Variants in RSPH3 observed in about 807,000 individuals in gnomAD.
The protein encoded by RSPH3 is radial spoke head protein 3 homolog.
In RSPH3, 21 loss-of-function variants were observed where a neutral mutation model predicts 43.8. The ratio of observed to expected loss-of-function variants is 0.48; its 90% CI spans 0.34 to 0.69. The LOEUF (loss-of-function observed/expected upper bound fraction) is 0.69. Ranked by LOEUF, RSPH3 falls within the 30% of genes least tolerant of loss-of-function variation. The probability of loss-of-function intolerance (pLI) is 0.01; values close to 1 mark genes in which losing one functional copy is unlikely to be tolerated. For missense variants in RSPH3, 487 were observed against 516.0 expected (o/e 0.94, Z 0.54); for synonymous variants, 173 against 179.8 (o/e 0.96, Z 0.30).
chr6:158,993,984 A>G, intron 1 of RSPH3, 58 bp from the exon 2 acceptor site: 1 of 882,286 alleles, frequency 1.1e-6, no homozygotes, highest in Non-Finnish European at 1.8e-6. Flanking sequence ...TCTATGAAGT[A>G]ACTCATTTTC....
rs1176466431 is a variant in RSPH3 at position 158,999,576 on chromosome 6, C to A, written c.-26G>T. The A allele has an allele frequency of 6.2e-6, 10 of 1,607,638 alleles. No individual in the cohort carries two copies. The highest frequency in any genetic ancestry group is 8.5e-6 in the Non-Finnish European group (10 of 1,175,476). On this transcript the variant is annotated 5_prime_UTR_variant, in exon 1 of 8. Transcript: ENST00000367069. ...GTCCGGGGGCTGACTGCCTCGCTTT[C>A]GGTGGAGCTTGGCTTTGAAGCAGGT... is the stretch of plus-strand genomic sequence containing the variant.
intron 2 of RSPH3, among the ~76,000 whole-genome samples, chr6:158,990,032 T>C (rs1049149758): frequency 2.0e-5 from 3 of 152,174 alleles, no homozygotes; most frequent in African/African-American, 7.2e-5. Context: ...GCCTACATCT[T>C]TCTCCTGTGC....
At chr6:158,984,376 G>A (rs1213364664) in intron 3 of RSPH3, among the ~76,000 whole-genome samples, 4 of 140,060 alleles carry the variant, frequency 2.9e-5, no homozygotes, top group Non-Finnish European at 4.5e-5. Flanking sequence ...AACTAAAGAA[G>A]AACATGAGAC....
At chr6:158,984,005 G>A (rs113714631) in intron 3 of RSPH3, among the ~76,000 whole-genome samples, 198 bp from the exon 4 acceptor site, 1 of 151,984 alleles carries the variant, frequency 6.6e-6, no homozygotes, top group African/African-American at 2.4e-5. Context: ...GTGGTGGTGC[G>A]TGCCTGTGGT....
In RSPH3 at chr6:158,999,685, A is replaced by C. The variant is rs137930351; in HGVS notation, c.-135T>G. The C allele has an allele frequency of 1.2e-6, 2 of 1,613,954 alleles. No homozygotes were observed. Among genetic ancestry groups the C allele is most frequent in the Non-Finnish European group, 1.7e-6 (2 of 1,179,948 alleles). On this transcript the variant is annotated 5_prime_UTR_variant, in exon 1 of 8. Transcript: ENST00000367069. ...CGCGACGCGAGGAGAGGCGACAACA[A>C]GGGAGGCGGGCGGGACGGGAGGTTA... is the stretch of plus-strand genomic sequence containing the variant.
chr6:158,983,565 A>T, intron 4 of RSPH3, 97 bp downstream of exon 4: 1 of 879,790 alleles, frequency 1.1e-6, no homozygotes, highest in South Asian at 1.4e-5. Context: ...GTAGAATCTG[A>T]TTGTGAAGTG....
At chr6:158,963,143 CAG>C in the RSPH3 span, among the ~76,000 whole-genome samples, 2 of 151,862 alleles carry the variant, frequency 1.3e-5, no homozygotes, top group South Asian at 2.1e-4. Context: ...ATGATAAAAA[CAG>C]AAAATAAAAT....
At chr6:158,965,970 G>C in the RSPH3 span, among the ~76,000 whole-genome samples, 1 of 152,092 alleles carries the variant, frequency 6.6e-6, no homozygotes, top group South Asian at 2.1e-4. Flanking sequence ...AAAGTGTGTT[G>C]AATTTTGTCA....
In RSPH3 at chr6:158,974,110, T is replaced by C. The variant is rs1281077613; in HGVS notation, c.*3428A>G. ...GTAAGCCACCACACCCGGCCAGGAA[T>C]GACAATTTCAATATATTTACTATCT... On this transcript the variant is annotated 3_prime_UTR_variant, in exon 8 of 8. Coordinates refer to ENST00000367069, the MANE Select transcript of RSPH3 (RefSeq NM_031924.8). 1 of 152,222 alleles carries C rather than the reference T, an allele frequency of 6.6e-6. No homozygotes were observed. Among genetic ancestry groups the C allele is most frequent in the African/African-American group, 2.4e-5 (1 of 41,474 alleles). The allele number at this position is 152,222 out of a possible 1,614,324, so 9.4% of individuals were successfully genotyped here.
At chr6:158,984,211 GA>G (rs917766539) in intron 3 of RSPH3, among the ~76,000 whole-genome samples, 2 of 151,788 alleles carry the variant, frequency 1.3e-5, no homozygotes, top group Non-Finnish European at 2.9e-5. Context: ...ATATTTAAAT[GA>G]ATCAGAAAAT....
chr6:158,978,995 A>C (rs1274367646), intron 6 of RSPH3, among the ~76,000 whole-genome samples: 1 of 152,204 alleles, frequency 6.6e-6, no homozygotes, highest in Non-Finnish European at 1.5e-5. Context: ...GAGCAATGCC[A>C]GTAAAAGAAA....
At position 158,986,327 on chromosome 6, in the gene RSPH3, T is replaced by G; in HGVS notation, c.299A>C (p.Gln100Pro). 1 of 1,614,218 alleles carries G rather than the reference T, an allele frequency of 6.2e-7. No homozygotes were observed. Among genetic ancestry groups the G allele is most frequent in the Non-Finnish European group, 8.5e-7 (1 of 1,180,032 alleles). ...TCTGCCTTCCACAGGTTCAGGTGTTTGTGGTCTGAGCTGCTCTTGGGCTTG... is the reference window on the plus strand; with the variant it reads ...TCTGCCTTCCACAGGTTCAGGTGTTGGTGGTCTGAGCTGCTCTTGGGCTTG... ...RKQAQEQLRP[Q>P]TPEPVEGRKH... The change falls in exon 3 of 8, where the codon CAA (glutamine) becomes CCA (proline). Residue 100 changes from glutamine to proline, a missense_variant. Coordinates refer to ENST00000367069, the MANE Select transcript of RSPH3 (RefSeq NM_031924.8).
chr6:158,992,406 A>G (rs937389011), intron 2 of RSPH3, among the ~76,000 whole-genome samples: 2 of 150,682 alleles, frequency 1.3e-5, no homozygotes, highest in African/African-American at 2.4e-5. Context: ...CAGCCTCCCA[A>G]GTAGCTGGGA....
In RSPH3 at chr6:158,994,237, A is replaced by G. The variant is rs542607906; in HGVS notation, c.117-311T>C. On this transcript the variant is annotated intron_variant, in intron 1 of 7. Transcript: ENST00000367069. ...GGTCACCTTGCTAGTAAGTGGCAGG[A>G]CTAGATTTAGGTTGTAAATCTGTAT... Among the ~76,000 whole-genome samples the G allele has an allele frequency of 2.2e-3, 329 of 152,330 alleles. 3 individuals carry two copies. Among genetic ancestry groups the G allele is most frequent in the African/African-American group, 7.3e-3 (305 of 41,574 alleles).
intron 2 of RSPH3, among the ~76,000 whole-genome samples, chr6:158,993,570 T>C (rs963214558): frequency 6.6e-6 from 1 of 152,058 alleles, no homozygotes; most frequent in Non-Finnish European, 1.5e-5. Context: ...CACCATCCTC[T>C]ATCTCCGGAA....
At chr6:158,978,231 G>C (rs761417262) in intron 7 of RSPH3, 29 bp downstream of exon 7, 6 of 1,102,024 alleles carry the variant, frequency 5.4e-6, no homozygotes, top group South Asian at 1.3e-5. Context: ...AAAAACTTTA[G>C]AGATGAATTT....
chr6:158,971,010 T>C (rs1777689143), downstream of RSPH3, among the ~76,000 whole-genome samples: 1 of 152,218 alleles, frequency 6.6e-6, no homozygotes, highest in Non-Finnish European at 1.5e-5. Context: ...CTTTTGTCAC[T>C]GAGAAAGCTC....
chr6:158,999,144 C>T (rs941296956), intron 1 of RSPH3, among the ~76,000 whole-genome samples: 7 of 152,194 alleles, frequency 4.6e-5, no homozygotes, highest in Admixed American at 1.3e-4. Context: ...AGTTGGCCCT[C>T]AATACACACT....
chr6:158,998,297 C>CAAAAAAAAAAAAAAAA (rs71297000), intron 1 of RSPH3, among the ~76,000 whole-genome samples: 5 of 53,896 alleles, frequency 9.3e-5, no homozygotes, highest in African/African-American at 2.0e-4. Flanking sequence ...TAAAAAAATA[C>CAAAAAAAAAAAAAAAA]AAAAAAAAAA....
Sources: gnomAD v4.1 joint callset for allele counts (sites outside exome capture counted in the v4.1 genomes callset) on GRCh38, gnomAD v4.1.1 for gene constraint, MANE v1.5 for transcripts, NCBI Gene and HGNC (gene_info 2026-07-23, HGNC 2026-07-21) for gene names.